The following TEX36 variants were observed in gnomAD, a reference collection of about 807,000 sequenced individuals.
The protein encoded by TEX36 is testis expressed 36.
Under a neutral mutation model 13.6 loss-of-function variants are expected in TEX36, and 12 were observed. The observed-to-expected ratio is 0.88, with a 90% CI of 0.56 to 1.43. The LOEUF (loss-of-function observed/expected upper bound fraction) is 1.43, where lower values mean the gene tolerates loss of function less well. Ranked by LOEUF, TEX36 falls within the 40% of genes most tolerant of loss-of-function variation. The probability of loss-of-function intolerance (pLI) is 0.00; values close to 1 mark genes in which losing one functional copy is unlikely to be tolerated. For synonymous variants in TEX36, 93 were observed against 83.0 expected (o/e 1.12, Z -0.65); for missense variants, 224 against 228.3 (o/e 0.98, Z 0.12).
chr10:125,674,881 AC>A (rs1847288473), intron 1 of TEX36, among the ~76,000 whole-genome samples: 1 of 152,222 alleles, frequency 6.6e-6, no homozygotes, highest in South Asian at 2.1e-4. Context: ...GAGGGGTCTC[AC>A]CCAGTCAGGA....
intron 3 of TEX36, among the ~76,000 whole-genome samples, chr10:125,607,360 G>A (rs1177727474): frequency 6.6e-6 from 1 of 152,176 alleles, no homozygotes; most frequent in Admixed American, 6.5e-5. Context: ...GGTCTATTTT[G>A]TCATTTTAAA....
downstream of TEX36, among the ~76,000 whole-genome samples, chr10:125,619,086 C>T (rs1162778915): frequency 2.0e-5 from 3 of 150,790 alleles, no homozygotes; most frequent in Admixed American, 6.6e-5. Context: ...GCCGAGATCG[C>T]GTCACTGCAC....
intron 3 of TEX36, among the ~76,000 whole-genome samples, chr10:125,607,980 G>T (rs1424252168): frequency 6.6e-6 from 1 of 152,126 alleles, no homozygotes; most frequent in East Asian, 1.9e-4. Flanking sequence ...TGAAATGATG[G>T]TTTAATGAGT....
At chr10:125,591,186 G>A (rs1846017469) in intron 3 of TEX36, among the ~76,000 whole-genome samples, 1 of 152,222 alleles carries the variant, frequency 6.6e-6, no homozygotes, top group Non-Finnish European at 1.5e-5. Context: ...GAACGAAAAA[G>A]TGAGTTACTA....
chr10:125,632,448 T>C (rs1589763476), intron 3 of TEX36, among the ~76,000 whole-genome samples: 1 of 152,170 alleles, frequency 6.6e-6, no homozygotes, highest in African/African-American at 2.4e-5. Context: ...CCTGGCACCT[T>C]GGAAGGTTCA....
chr10:125,676,192 G>A (rs887979285), intron 1 of TEX36, among the ~76,000 whole-genome samples: 4 of 152,182 alleles, frequency 2.6e-5, no homozygotes, highest in African/African-American at 4.8e-5. Context: ...TAGATTGTCT[G>A]TCTAATGCTG....
intron 1 of TEX36, among the ~76,000 whole-genome samples, chr10:125,666,297 CA>C (rs1847120572): frequency 6.6e-6 from 1 of 152,160 alleles, no homozygotes; most frequent in Non-Finnish European, 1.5e-5. Flanking sequence ...CAAAGGCGTT[CA>C]ACTTTACTCC....
chr10:125,636,296 C>T lies in TEX36; in HGVS notation c.265-14651G>A, dbSNP rs111349140. 8.5e-3 allele frequency among the ~76,000 whole-genome samples: 1,281 copies of T among 151,240 alleles called. 10 individuals are homozygous for T. The highest frequency in any genetic ancestry group is 0.015 in the Non-Finnish European group (1,015 of 67,828). ...TCTTGGCTCACTGCAAGCTCCGCCT[C>T]CCGGGTTCACGCCATTCTCCTGCCT... On this transcript the variant is annotated intron_variant, in intron 3 of 3. Transcript: ENST00000526819.
intron 1 of TEX36, among the ~76,000 whole-genome samples, chr10:125,666,645 T>C (rs1847126542): frequency 6.6e-6 from 1 of 152,200 alleles, no homozygotes; most frequent in Non-Finnish European, 1.5e-5. Flanking sequence ...TTGGGGATAC[T>C]GGCTGTAGTT....
At chr10:125,615,389 T>G (rs1266608344) in intron 3 of TEX36, among the ~76,000 whole-genome samples, 5 of 152,186 alleles carry the variant, frequency 3.3e-5, no homozygotes, top group Non-Finnish European at 7.3e-5. Flanking sequence ...TTCCAGTTTT[T>G]GCCCATTCAG....
downstream of TEX36, among the ~76,000 whole-genome samples, chr10:125,618,833 G>A (rs12767338): frequency 0.079 from 12,046 of 151,542 alleles, 626 homozygotes; most frequent in Non-Finnish European, 0.12. Context: ...TTGGCCAGGC[G>A]CGGTGGCTCA....
intron 3 of TEX36, among the ~76,000 whole-genome samples, chr10:125,584,077 A>G (rs1222522953): frequency 6.6e-6 from 1 of 152,112 alleles, no homozygotes; most frequent in Non-Finnish European, 1.5e-5. Flanking sequence ...GCCACTATGC[A>G]AAAAAGGTCC....
At chr10:125,650,255 C>T (rs1846832565) in intron 3 of TEX36, among the ~76,000 whole-genome samples, 1 of 152,174 alleles carries the variant, frequency 6.6e-6, no homozygotes, top group South Asian at 2.1e-4. Context: ...AAGTAAAGCA[C>T]TCCTCAGCAA....
At chr10:125,667,233 G>A (rs1847138630) in intron 1 of TEX36, 2 of 629,124 alleles carry the variant, frequency 3.2e-6, no homozygotes, top group East Asian at 3.5e-5. Context: ...TCTGGATGCA[G>A]GGATGGCCTG....
At chr10:125,576,891 A>G in intron 3 of TEX36, 1 of 1,536,082 alleles carries the variant, frequency 6.5e-7, no homozygotes, top group Non-Finnish European at 8.7e-7. Flanking sequence ...GGAAGAGGGA[A>G]GATGTAGAAC....
chr10:125,647,709 G>A (rs753113780), intron 3 of TEX36, among the ~76,000 whole-genome samples: 5 of 152,128 alleles, frequency 3.3e-5, no homozygotes, highest in Admixed American at 6.5e-5. Flanking sequence ...GCGGGGCATT[G>A]CCTCACCCAG....
At chr10:125,667,507 C>A in intron 1 of TEX36, 1 of 729,642 alleles carries the variant, frequency 1.4e-6, no homozygotes, top group Non-Finnish European at 2.6e-6. Context: ...GAACACAATG[C>A]CACTTGGTGA....
intron 1 of TEX36, among the ~76,000 whole-genome samples, chr10:125,671,892 T>C (rs1418355537): frequency 1.3e-5 from 2 of 152,198 alleles, no homozygotes; most frequent in Non-Finnish European, 2.9e-5. Flanking sequence ...TATCCATTTC[T>C]TCTAGATTTT....
At chr10:125,667,191 A>G in intron 1 of TEX36, 4 of 651,744 alleles carry the variant, frequency 6.1e-6, no homozygotes, top group Non-Finnish European at 1.2e-5. Context: ...GCGTTGTGAC[A>G]GTCACCATGG....
Sources: gnomAD v4.1 joint callset for allele counts (sites outside exome capture counted in the v4.1 genomes callset) on GRCh38, gnomAD v4.1.1 for gene constraint, MANE v1.5 for transcripts, NCBI Gene and HGNC (gene_info 2026-07-23, HGNC 2026-07-21) for gene names.